The following S100A13 variants were observed in gnomAD, a reference collection of about 807,000 sequenced individuals.
S100A13 encodes protein S100-A13.
A neutral mutation model predicts 8.2 loss-of-function variants in S100A13; 6 were observed. The ratio of observed to expected loss-of-function variants is 0.73; its 90% CI spans 0.40 to 1.44. The LOEUF (loss-of-function observed/expected upper bound fraction) is 1.44. Ranked by LOEUF, S100A13 falls within the 40% of genes most tolerant of loss-of-function variation. The pLI is 0.02. For synonymous variants in S100A13, 39 were observed against 45.9 expected (o/e 0.85, Z 0.61); for missense variants, 114 against 113.6 (o/e 1.00, Z -0.02).
chr1:153,627,648 T>C (rs999418), upstream of S100A13: 100,644 of 168,938 alleles, frequency 0.6, 30,908 homozygotes, highest in African/African-American at 0.73. Context: ...AGCCCTCAGG[T>C]CTGGACCCGG....
At chr1:153,632,438 A>AT (rs544690388), upstream of S100A13, among the ~76,000 whole-genome samples, 251 of 151,586 alleles carry the variant, frequency 1.7e-3, 1 homozygote, top group African/African-American at 5.8e-3. Context: ...CGCCCGGCTA[A>AT]TTTTTTGTAT....
At chr1:153,631,691 A>T (rs1190776211), upstream of S100A13, 1 of 1,613,830 alleles carries the variant, frequency 6.2e-7, no homozygotes, top group Non-Finnish European at 8.5e-7. Flanking sequence ...CTCTCCTCCC[A>T]CCACAGGCCC....
At chr1:153,629,295 G>A (rs1048319847), upstream of S100A13, 2 of 152,166 alleles carry the variant, frequency 1.3e-5, no homozygotes, top group Admixed American at 1.3e-4. Flanking sequence ...CCCCTCATCA[G>A]CCACAGCTTG....
intron 1 of S100A13, 168 bp from the exon 2 acceptor site, chr1:153,626,701 C>T (rs769115500): frequency 2.7e-5 from 13 of 472,976 alleles, no homozygotes; most frequent in East Asian, 1.6e-4. Flanking sequence ...GACCAGGCAA[C>T]GGCATCTCAG....
At chr1:153,619,978 T>C (rs1667130790) in intron 2 of S100A13, among the ~76,000 whole-genome samples, 2 of 152,020 alleles carry the variant, frequency 1.3e-5, no homozygotes, top group Admixed American at 1.3e-4. Context: ...TAAAGAGAAA[T>C]AAATAAGTAT....
intron 2 of S100A13, among the ~76,000 whole-genome samples, chr1:153,623,611 G>A (rs1224339164): frequency 6.6e-6 from 1 of 152,084 alleles, no homozygotes; most frequent in African/African-American, 2.4e-5. Context: ...GGCTGGTCTC[G>A]AAGTCCTGAA....
At chr1:153,621,906 G>C (rs1404086676) in intron 2 of S100A13, among the ~76,000 whole-genome samples, 1 of 151,602 alleles carries the variant, frequency 6.6e-6, no homozygotes, top group East Asian at 1.9e-4. Context: ...ATTTCACTCA[G>C]AATTATATAA....
chr1:153,631,813 G>A (rs541017550), upstream of S100A13: 1 of 1,614,172 alleles, frequency 6.2e-7, no homozygotes, highest in South Asian at 1.1e-5. Context: ...ACAGTGGCCT[G>A]TAACAATTTC....
upstream of S100A13, chr1:153,631,218 C>A (rs1473936675): frequency 2.0e-6 from 1 of 499,144 alleles, no homozygotes; most frequent in South Asian, 2.7e-5. Flanking sequence ...CTAACCAGGG[C>A]CCCAAAGTAA....
At chr1:153,630,244 G>A, upstream of S100A13, 2 of 496,276 alleles carry the variant, frequency 4.0e-6, no homozygotes, top group South Asian at 4.1e-5. Context: ...AGCCAGCCCA[G>A]CTCCAACTGC....
At chr1:153,625,492 C>T (rs1338487403) in intron 2 of S100A13, among the ~76,000 whole-genome samples, 1 of 152,244 alleles carries the variant, frequency 6.6e-6, no homozygotes, top group Non-Finnish European at 1.5e-5. Flanking sequence ...AGGGGATGCC[C>T]ATAGCGGGTA....
upstream of S100A13, chr1:153,630,514 C>T: frequency 1.9e-6 from 3 of 1,613,876 alleles, no homozygotes; most frequent in Non-Finnish European, 2.5e-6. Flanking sequence ...GGTAGGTGCA[C>T]TGCTGCAATG....
chr1:153,628,340 C>G (rs1442613816), upstream of S100A13: 1 of 1,531,022 alleles, frequency 6.5e-7, no homozygotes, highest in Non-Finnish European at 8.8e-7. Context: ...TGGCCCCTTG[C>G]CCCACAGGGT....
At chr1:153,633,516 G>A (rs549088319), upstream of S100A13, among the ~76,000 whole-genome samples, 1 of 152,334 alleles carries the variant, frequency 6.6e-6, no homozygotes, top group South Asian at 2.1e-4. Flanking sequence ...AAGTTGGGGA[G>A]GGGAGGAAGT....
upstream of S100A13, chr1:153,628,726 G>A: frequency 1.4e-6 from 1 of 731,432 alleles, no homozygotes; most frequent in Non-Finnish European, 2.1e-6. Context: ...CTCAGCAAAG[G>A]AGGAAGCCAG....
chr1:153,623,303 G>A lies in S100A13; in HGVS notation c.153+3017C>T, dbSNP rs768442489. On this transcript the variant is annotated intron_variant, in intron 2 of 2. Transcript: ENST00000476133. The stretch of plus-strand genomic sequence containing the variant: ...GTGAAGGGTTGGCCTTAGGGGCAGT[G>A]ACGTATCATTTGCATAACAGAAGAC... Among the ~76,000 whole-genome samples the A allele has an allele frequency of 2.0e-5, 3 of 152,188 alleles. No individual in the cohort carries two copies. The East Asian group carries it at 5.8e-4, about 29-fold the overall frequency.
chr1:153,624,959 C>T (rs1354184836), intron 2 of S100A13, among the ~76,000 whole-genome samples: 2 of 152,126 alleles, frequency 1.3e-5, no homozygotes, highest in Admixed American at 1.3e-4. Flanking sequence ...CCTGTAATCC[C>T]AGCTACTCAT....
chr1:153,626,852 G>A (rs1025611410), intron 1 of S100A13: 27 of 169,184 alleles, frequency 1.6e-4, no homozygotes, highest in Non-Finnish European at 2.4e-4. Flanking sequence ...CTTGAGAGGA[G>A]GTCTTCAGTT....
intron 2 of S100A13, among the ~76,000 whole-genome samples, chr1:153,621,008 A>G (rs555228315): frequency 1.3e-5 from 2 of 152,244 alleles, no homozygotes; most frequent in Admixed American, 6.5e-5. Context: ...TATATTTCAT[A>G]TTATACCACA....
Sources: allele counts gnomAD v4.1 joint callset (sites outside exome capture counted in the v4.1 genomes callset), GRCh38; gene constraint gnomAD v4.1.1; transcripts MANE v1.5; gene names NCBI Gene and HGNC (gene_info 2026-07-23, HGNC 2026-07-21).